Variants in SIN3B observed in about 807,000 individuals in gnomAD.
SIN3B encodes the protein paired amphipathic helix protein Sin3b.
A neutral mutation model predicts 120.2 loss-of-function variants in SIN3B; 19 were observed. The observed-to-expected ratio is 0.16, with a 90% CI of 0.11 to 0.23. The LOEUF is 0.23. SIN3B is among the 10% of genes least tolerant of loss of function. The probability of loss-of-function intolerance (pLI) is 1.00; values close to 1 mark genes in which losing one functional copy is unlikely to be tolerated. For synonymous variants in SIN3B, 654 were observed against 653.2 expected (o/e 1.00, Z -0.02); for missense variants, 1,073 against 1,573.0 (o/e 0.68, Z 5.38).
rs574918721 is a variant in SIN3B, at chr19:16,833,006, T to A, written c.381+1359T>A. Among the ~76,000 whole-genome samples, 141 of 152,318 alleles carry A rather than the reference T, an allele frequency of 9.3e-4. 1 individual carries two copies. The highest frequency in any genetic ancestry group is 3.4e-3 in the Middle Eastern group (1 of 294). On this transcript the variant is annotated intron_variant, in intron 3 of 18. Transcript: ENST00000248054. The stretch of plus-strand genomic sequence containing the variant: ...GGGGTGTTTAGCAGGATCTGTAGCG[T>A]GTACCTACCAGACCTTCACTCAGTT...
At chr19:16,877,839 A>T (rs1045280060) in intron 17 of SIN3B, among the ~76,000 whole-genome samples, 200 bp downstream of exon 17, 2 of 152,146 alleles carry the variant, frequency 1.3e-5, no homozygotes, top group African/African-American at 4.8e-5. Flanking sequence ...GGTGAGGTGT[A>T]GGAGGGGCAA....
At chr19:16,836,370 A>T (rs1215335052) in intron 3 of SIN3B, among the ~76,000 whole-genome samples, 1 of 151,928 alleles carries the variant, frequency 6.6e-6, no homozygotes, top group Non-Finnish European at 1.5e-5. Flanking sequence ...ACAGCTTCTT[A>T]CTGGAGCCTT....
Position 16,841,961 on chromosome 19 carries a change from C to T in SIN3B, c.575C>T (p.Thr192Met), listed in dbSNP as rs764562241. 3.7e-6 allele frequency: 6 copies of T among 1,613,166 alleles called. No individual in the cohort carries two copies. The highest frequency in any genetic ancestry group is 2.2e-5 in the South Asian group (2 of 91,068). ...AGGTCATTCCTGGAGATCCTGCACA[C>T]GTACCAGGTAAGAACTCAGATTACA... ...IYRSFLEILH[T>M]YQKEQLNTRG... Residue 192 changes from threonine (T) to methionine (M), a missense_variant, in exon 4 of 19, where the codon ACG becomes ATG. This residue lies in a region of SIN3B where 395 missense variants were observed against 528.0 expected (regional missense o/e 0.75). Transcript: ENST00000248054.
chr19:16,831,743 A>C lies in SIN3B; in HGVS notation c.381+96A>C, dbSNP rs1971281635. On this transcript the variant is annotated intron_variant, in intron 3 of 18. Transcript: ENST00000248054. ...GTGTCTCTCCTGTATCATTGCTAGA[A>C]AGCCACTTAAGATCTGTTCTTTTTC... is the stretch of plus-strand genomic sequence containing the variant. 26 of 1,050,724 alleles carry C rather than the reference A, an allele frequency of 2.5e-5. No individual in the cohort carries two copies. In the South Asian group the frequency reaches 3.8e-4, roughly 15 times the overall value. 65.1% of individuals were successfully genotyped at this position (1,050,724 alleles called of 1,614,324 possible).
At position 16,877,659 on chromosome 19, in the gene SIN3B, A is replaced by C; in HGVS notation, c.2954+20A>C. The stretch of plus-strand genomic sequence containing the variant: ...GCAGAGGTAAGAGGCCCTGAGATGC[A>C]TGCTCTGTTCCTTCCTTCCTGGGCC... On this transcript the variant is annotated intron_variant, in intron 17 of 18. Coordinates refer to ENST00000248054, the MANE Select transcript of SIN3B (RefSeq NM_001297595.2). 1 of 1,545,690 alleles carries C rather than the reference A, an allele frequency of 6.5e-7. No homozygotes were observed. The highest frequency in any genetic ancestry group is 8.9e-7 in the Non-Finnish European group (1 of 1,126,146).
chr19:16,836,306 A>G (rs189160111), intron 3 of SIN3B, among the ~76,000 whole-genome samples: 38 of 152,288 alleles, frequency 2.5e-4, no homozygotes, highest in Non-Finnish European at 5.3e-4. Context: ...AGGGGAAGAC[A>G]GACACAGGCC....
chr19:16,852,380 A>G (rs530140526), intron 6 of SIN3B, among the ~76,000 whole-genome samples: 23 of 152,144 alleles, frequency 1.5e-4, no homozygotes, highest in Admixed American at 2.6e-4. Context: ...CTCTCACCTC[A>G]GCCTTCCAAG....
chr19:16,844,529 A>G (rs1971456662), intron 4 of SIN3B, among the ~76,000 whole-genome samples: 1 of 152,210 alleles, frequency 6.6e-6, no homozygotes, highest in Non-Finnish European at 1.5e-5. Flanking sequence ...CCACGTATGC[A>G]TGTCCTGTGT....
intron 4 of SIN3B, 36 bp from the exon 5 acceptor site, chr19:16,846,934 C>G: frequency 6.2e-7 from 1 of 1,606,534 alleles, no homozygotes; most frequent in Non-Finnish European, 8.5e-7. Context: ...CACTCCTTGA[C>G]TAACGACTTA....
At chr19:16,846,754 G>A (rs1971484360) in intron 4 of SIN3B, among the ~76,000 whole-genome samples, 1 of 152,160 alleles carries the variant, frequency 6.6e-6, no homozygotes, top group South Asian at 2.1e-4. Flanking sequence ...GACACTGCTG[G>A]GTCCCCACCA....
At chr19:16,842,818 G>A (rs962732369) in intron 4 of SIN3B, among the ~76,000 whole-genome samples, 3 of 152,184 alleles carry the variant, frequency 2.0e-5, no homozygotes, top group Admixed American at 1.3e-4. Flanking sequence ...CAACCCGTCC[G>A]GGGCCAGGGA....
chr19:16,843,350 T>G (rs984953922), intron 4 of SIN3B, among the ~76,000 whole-genome samples: 1 of 152,272 alleles, frequency 6.6e-6, no homozygotes, highest in African/African-American at 2.4e-5. Context: ...CATAAGCGTT[T>G]CAGATCAAAT....
intron 12 of SIN3B, among the ~76,000 whole-genome samples, chr19:16,867,249 T>A (rs1971788843): frequency 6.6e-6 from 1 of 152,192 alleles, no homozygotes; most frequent in African/African-American, 2.4e-5. Context: ...TTATTCTGAT[T>A]TTACCAGTGG....
intron 3 of SIN3B, among the ~76,000 whole-genome samples, chr19:16,838,453 G>A (rs141190339): frequency 6.6e-6 from 1 of 152,212 alleles, no homozygotes; most frequent in African/African-American, 2.4e-5. Flanking sequence ...TTGGTGTCTG[G>A]CTTCTCACTC....
In SIN3B at chr19:16,873,743, C is replaced by A. The variant is rs377418456; in HGVS notation, c.2593-2312C>A. ...GAGCTGTAGTGAGAGCCACATGCTG[C>A]CCTGCTGTCCCAGCTGTGGCTGCAC... On this transcript the variant is annotated intron_variant, in intron 14 of 18. Coordinates refer to ENST00000248054, the MANE Select transcript of SIN3B (RefSeq NM_001297595.2). Among the ~76,000 whole-genome samples the A allele has an allele frequency of 2.2e-4, 33 of 152,366 alleles. No individual in the cohort carries two copies. The South Asian group carries it at 6.8e-3, about 32-fold the overall frequency.
Position 16,878,263 on chromosome 19 carries a change from G to A in SIN3B, c.3035G>A (p.Arg1012Gln), listed in dbSNP as rs751729564. 1.0e-5 allele frequency: 16 copies of A among 1,599,220 alleles called. No individual in the cohort carries two copies. In the East Asian group the frequency reaches 1.1e-4, roughly 11 times the overall value. The change falls in exon 18 of 19, where the codon CGG (arginine) becomes CAG (glutamine). Residue 1012 changes from arginine to glutamine, a missense_variant. Physicochemically the swap from Arg to Gln is conservative, Grantham distance 43 (BLOSUM62 1). Transcript: ENST00000248054. ...GGTGAGGCCAGGAGCTCCTGGAAGCGGCTGGTGGGCGTGGAGAGCGCCTGC... is the reference window on the plus strand; with the variant it reads ...GGTGAGGCCAGGAGCTCCTGGAAGCAGCTGGTGGGCGTGGAGAGCGCCTGC... ...LRGEARSSWK[R>Q]LVGVESACDV...
rs374200808 is a variant in SIN3B at position 16,878,551 on chromosome 19, C to T, written c.3217C>T (p.Arg1073Cys). The change falls in exon 19 of 19, where the codon CGC becomes TGC. Residue 1073 changes from arginine (R) to cysteine (C), a missense_variant. Physicochemically the swap from Arg to Cys is radical, Grantham distance 180. Coordinates refer to ENST00000248054, the MANE Select transcript of SIN3B (RefSeq NM_001297595.2). ...HHQHFEEWHS[R>C]WLEDNVTVEA... is the part of the protein sequence containing the mutation. ...CCAGCACTTTGAGGAGTGGCACAGCCGCTGGCTGGAGGACAATGTGACGGT... is the reference window on the plus strand; with the variant it reads ...CCAGCACTTTGAGGAGTGGCACAGCTGCTGGCTGGAGGACAATGTGACGGT... The T allele has an allele frequency of 1.4e-5, 22 of 1,604,610 alleles. No homozygotes were observed. Among genetic ancestry groups the T allele is most frequent in the Middle Eastern group, 3.3e-4 (2 of 6,054 alleles).
At chr19:16,860,461 G>A (rs1971671548) in intron 8 of SIN3B, among the ~76,000 whole-genome samples, 1 of 152,080 alleles carries the variant, frequency 6.6e-6, no homozygotes, top group Admixed American at 6.6e-5. Context: ...TTCCTTGTGA[G>A]CAGGGTTGGC....
In SIN3B at chr19:16,862,854, G is replaced by A. The variant is rs895497457; in HGVS notation, c.1266+295G>A. On this transcript the variant is annotated intron_variant, in intron 9 of 18. Transcript: ENST00000248054. The surrounding 1 kb of genome is among the most constrained non-coding windows in gnomAD (Gnocchi z 4.7). ...CTGCCATGATTCTGCTCTGTCCCGG[G>A]CTCACTGACCTCAGTGTGTTTCTGT... 11 of 1,544,284 alleles carry A rather than the reference G, an allele frequency of 7.1e-6. No homozygotes were observed. Among genetic ancestry groups the A allele is most frequent in the East Asian group, 4.5e-5 (2 of 44,574 alleles).
Sources: gnomAD v4.1 joint callset for allele counts (sites outside exome capture counted in the v4.1 genomes callset) on GRCh38, gnomAD v4.1.1 for gene constraint, gnomAD v4.1.1 regional missense constraint, Gnocchi (gnomAD v3.1) non-coding constraint, MANE v1.5 for transcripts, NCBI Gene and HGNC (gene_info 2026-07-23, HGNC 2026-07-21) for gene names.